GRIN2A: variants seen among roughly 807,000 people sequenced by gnomAD.
The protein encoded by GRIN2A is glutamate receptor ionotropic, NMDA 2A.
Under a neutral mutation model 113.4 loss-of-function variants are expected in GRIN2A, and 22 were observed. That is an observed-to-expected ratio of 0.19 (90% CI 0.14 to 0.28). The LOEUF is 0.28. Ranked by LOEUF, GRIN2A falls within the 10% of genes least tolerant of loss-of-function variation. The probability of loss-of-function intolerance (pLI) is 1.00; values close to 1 mark genes in which losing one functional copy is unlikely to be tolerated. For missense variants in GRIN2A, 1,502 were observed against 1,887.0 expected (o/e 0.80, Z 3.78); for synonymous variants, 827 against 738.4 (o/e 1.12, Z -1.94).
intron 2 of GRIN2A, among the ~76,000 whole-genome samples, chr16:10,061,859 C>T (rs982988933): frequency 6.6e-6 from 1 of 152,176 alleles, no homozygotes; most frequent in Non-Finnish European, 1.5e-5. Flanking sequence ...CCTTCATAAA[C>T]AGAACATAAA....
chr16:10,130,219 G>T (rs958015705), intron 2 of GRIN2A, among the ~76,000 whole-genome samples: 1 of 152,174 alleles, frequency 6.6e-6, no homozygotes, highest in Non-Finnish European at 1.5e-5. Flanking sequence ...GGACTCCACG[G>T]CAGGGTTCAA....
At chr16:10,033,698 T>G (rs1289561321) in intron 2 of GRIN2A, 1 of 152,264 alleles carries the variant, frequency 6.6e-6, no homozygotes, top group East Asian at 1.9e-4. Flanking sequence ...ATCCATGCAG[T>G]CCGGGAGGGG....
intron 2 of GRIN2A, among the ~76,000 whole-genome samples, chr16:10,071,796 G>C (rs114569193): frequency 3.0e-4 from 45 of 152,322 alleles, no homozygotes; most frequent in Non-Finnish European, 5.7e-4. Flanking sequence ...AACCCAAGAG[G>C]AGAAGTGGAC....
intron 4 of GRIN2A, among the ~76,000 whole-genome samples, chr16:9,878,781 T>C (rs563739480): frequency 1.2e-4 from 18 of 152,260 alleles, no homozygotes; most frequent in African/African-American, 4.3e-4. Context: ...ACTGCTGTTC[T>C]TTTTGGAGTT....
At chr16:9,897,158 T>A (rs181624311) in intron 3 of GRIN2A, among the ~76,000 whole-genome samples, 2 of 147,022 alleles carry the variant, frequency 1.4e-5, no homozygotes, top group East Asian at 3.9e-4. Flanking sequence ...TGCTAAGTTG[T>A]TTTTTATTGC....
rs745344807 is a variant in GRIN2A at position 10,180,645 on chromosome 16, A to G, written c.-18-216T>C. On this transcript the variant is annotated intron_variant, in intron 1 of 12. Transcript: ENST00000330684. This position sits in a 1 kb window ranked among gnomAD's most constrained non-coding sequence, Gnocchi z 7.0. The stretch of plus-strand genomic sequence containing the variant: ...CAACTCCAATTCGAGCTAATTCTCC[A>G]TCCCCCAGCCCCTTCTCGCATCCAG... 13 of 762,268 alleles carry G rather than the reference A, an allele frequency of 1.7e-5. No individual in the cohort carries two copies. Among genetic ancestry groups the G allele is most frequent in the Non-Finnish European group, 1.6e-5 (8 of 485,796 alleles). The allele number at this position is 762,268 out of a possible 1,614,324, so 47.2% of individuals were successfully genotyped here.
In GRIN2A at chr16:10,089,467, C is replaced by CAT. The variant is rs150735007; in HGVS notation, c.414+90529_414+90530dup. The stretch of plus-strand genomic sequence containing the variant: ...CACCATAAGTGTTACCAACGAGAAG[C>CAT]ATATGGTGGGTTCCAGGAGGGCAGT... On this transcript the variant is annotated intron_variant, in intron 2 of 12. Transcript: ENST00000330684. 7.3e-3 allele frequency among the ~76,000 whole-genome samples: 1,113 copies of CAT among 152,126 alleles called. 19 individuals carry two copies. Among genetic ancestry groups the CAT allele is most frequent in the African/African-American group, 0.026 (1,070 of 41,478 alleles).
At chr16:10,173,148 G>T (rs1167399484) in intron 2 of GRIN2A, among the ~76,000 whole-genome samples, 1 of 151,564 alleles carries the variant, frequency 6.6e-6, no homozygotes, top group Non-Finnish European at 1.5e-5. Context: ...GTTGATGATC[G>T]CATCTGACAT....
chr16:10,019,726 G>A (rs184849331), intron 2 of GRIN2A, among the ~76,000 whole-genome samples: 34 of 152,270 alleles, frequency 2.2e-4, no homozygotes, highest in Non-Finnish European at 3.7e-4. Flanking sequence ...CAGGACTACC[G>A]GAGTCAGAAG....
At chr16:9,792,882 A>G (rs140656416) in intron 11 of GRIN2A, among the ~76,000 whole-genome samples, 1 of 152,328 alleles carries the variant, frequency 6.6e-6, no homozygotes, top group East Asian at 1.9e-4. Flanking sequence ...AAATGATCAG[A>G]ATTGGACTCA....
At chr16:10,040,955 G>A (rs1596454813) in intron 2 of GRIN2A, among the ~76,000 whole-genome samples, 1 of 152,220 alleles carries the variant, frequency 6.6e-6, no homozygotes, top group South Asian at 2.1e-4. Flanking sequence ...CTTTCTCTGT[G>A]CTTATCCTAA....
chr16:9,937,296 G>C (rs973698070), intron 3 of GRIN2A, among the ~76,000 whole-genome samples: 1 of 151,894 alleles, frequency 6.6e-6, no homozygotes, highest in Non-Finnish European at 1.5e-5. Flanking sequence ...CCTACTATAC[G>C]ATAGCATAAT....
chr16:9,990,519 C>T lies in GRIN2A; in HGVS notation c.415-51968G>A, dbSNP rs570212572. 6.6e-5 allele frequency among the ~76,000 whole-genome samples: 10 copies of T among 151,454 alleles called. No homozygotes were observed. In the East Asian group the frequency reaches 1.8e-3, roughly 27 times the overall value. On this transcript the variant is annotated intron_variant, in intron 2 of 12. Transcript: ENST00000330684. ...TATGTCTATGTAACAAACCTGCACA[C>T]GCACCCCCTGAATCTCTCTCTCTAC...
At chr16:9,879,441 C>A (rs1349738346) in intron 4 of GRIN2A, among the ~76,000 whole-genome samples, 3 of 152,190 alleles carry the variant, frequency 2.0e-5, no homozygotes, top group African/African-American at 7.2e-5. Context: ...TAATTCCCCT[C>A]TGTCATGCAT....
In GRIN2A at chr16:10,136,103, T is replaced by C. The variant is rs1030846140; in HGVS notation, c.414+43895A>G. On this transcript the variant is annotated intron_variant, in intron 2 of 12. Transcript: ENST00000330684. Reference sequence around the variant, plus strand: ...GTGCTTATCCTTTCAATCACTCTACTTTTCATCACTCTCCCTTTTACACTC... The same window carrying C: ...GTGCTTATCCTTTCAATCACTCTACCTTTCATCACTCTCCCTTTTACACTC... Among the ~76,000 whole-genome samples, 4 of 152,078 alleles carry C rather than the reference T, an allele frequency of 2.6e-5. No homozygotes were observed. In the East Asian group the frequency reaches 7.7e-4, roughly 29 times the overall value.
At chr16:9,830,485 A>G (rs998645615) in intron 8 of GRIN2A, among the ~76,000 whole-genome samples, 5 of 151,742 alleles carry the variant, frequency 3.3e-5, no homozygotes, top group African/African-American at 1.2e-4. Context: ...ATGGGCAAAA[A>G]AAAAAAAAAA....
intron 3 of GRIN2A, among the ~76,000 whole-genome samples, chr16:9,899,148 G>C (rs1404879950): frequency 6.6e-6 from 1 of 151,922 alleles, no homozygotes; most frequent in African/African-American, 2.4e-5. Flanking sequence ...TAAACATCAA[G>C]GCAGAGAAGG....
chr16:10,178,428 C>A (rs1253421340), intron 2 of GRIN2A, among the ~76,000 whole-genome samples: 2 of 152,166 alleles, frequency 1.3e-5, no homozygotes, highest in Admixed American at 1.3e-4. Flanking sequence ...TGGCAAATTC[C>A]CTTAACTCCC....
chr16:10,111,253 G>A (rs562953429), intron 2 of GRIN2A: 1 of 292,820 alleles, frequency 3.4e-6, no homozygotes, highest in South Asian at 3.6e-5. Context: ...ACACTAAGTG[G>A]TTAAATAACC....
Sources: allele counts gnomAD v4.1 joint callset (sites outside exome capture counted in the v4.1 genomes callset), GRCh38; gene constraint gnomAD v4.1.1; non-coding constraint Gnocchi (gnomAD v3.1); transcripts MANE v1.5; gene names NCBI Gene and HGNC (gene_info 2026-07-23, HGNC 2026-07-21).